Variants in CNTNAP2 observed in about 807,000 individuals in gnomAD.
CNTNAP2 encodes the protein contactin-associated protein-like 2.
A neutral mutation model predicts 155.2 loss-of-function variants in CNTNAP2; 98 were observed. That is an observed-to-expected ratio of 0.63 (90% CI 0.54 to 0.75). The LOEUF is 0.75. Among genes scored for constraint, CNTNAP2 ranks in the 30% least tolerant of loss-of-function variants. CNTNAP2 has a pLI of 0.00. For synonymous variants in CNTNAP2, 651 were observed against 631.2 expected (o/e 1.03, Z -0.47); for missense variants, 1,727 against 1,688.1 (o/e 1.02, Z -0.40).
intron 3 of CNTNAP2, among the ~76,000 whole-genome samples, chr7:146,975,757 A>T (rs549851408): frequency 5.3e-5 from 8 of 152,324 alleles, no homozygotes; most frequent in African/African-American, 1.9e-4. Flanking sequence ...AGCACACATT[A>T]GGGGACATAC....
chr7:146,867,401 T>G (rs1301715682), intron 3 of CNTNAP2, among the ~76,000 whole-genome samples: 1 of 152,192 alleles, frequency 6.6e-6, no homozygotes, highest in Non-Finnish European at 1.5e-5. Context: ...TTTAGCACAT[T>G]TTCTTTATCC....
At chr7:146,519,931 G>T (rs2129137138) in intron 1 of CNTNAP2, among the ~76,000 whole-genome samples, 1 of 151,356 alleles carries the variant, frequency 6.6e-6, no homozygotes, top group South Asian at 2.1e-4. Flanking sequence ...GGAATTTTAT[G>T]GGGGAAAAAA....
At chr7:147,168,168 T>C (rs1802156885) in intron 8 of CNTNAP2, among the ~76,000 whole-genome samples, 1 of 149,800 alleles carries the variant, frequency 6.7e-6, no homozygotes, top group African/African-American at 2.4e-5. Flanking sequence ...TTTATACATA[T>C]AATAGATATA....
intron 2 of CNTNAP2, among the ~76,000 whole-genome samples, chr7:146,794,075 A>G (rs1451651322): frequency 6.6e-6 from 1 of 152,196 alleles, no homozygotes; most frequent in Non-Finnish European, 1.5e-5. Flanking sequence ...AGCTGAAAGC[A>G]AATCCCTTTT....
chr7:146,244,424 C>A (rs868755096), intron 1 of CNTNAP2, among the ~76,000 whole-genome samples: 36 of 152,188 alleles, frequency 2.4e-4, no homozygotes, highest in Middle Eastern at 6.8e-3. Flanking sequence ...GATCTGGTGT[C>A]TGGAATGAGA....
intron 15 of CNTNAP2, chr7:148,056,677 A>G (rs1287554370): frequency 6.6e-6 from 1 of 152,158 alleles, no homozygotes; most frequent in African/African-American, 2.4e-5. Context: ...TGATGGGGTA[A>G]GTTTTTTTGC....
rs77603100 is a variant in CNTNAP2, at chr7:147,244,172, C to A, written c.1349-55969C>A. On this transcript the variant is annotated intron_variant, in intron 8 of 23. Coordinates refer to ENST00000361727, the MANE Select transcript of CNTNAP2 (RefSeq NM_014141.6). ...TTTGTACATTTCATCCTGGGTCTGGCAAGACCTATTTCAAATATACAAAGT... is the reference window on the plus strand; with the variant it reads ...TTTGTACATTTCATCCTGGGTCTGGAAAGACCTATTTCAAATATACAAAGT... Among the ~76,000 whole-genome samples the A allele has an allele frequency of 2.4e-3, 358 of 152,240 alleles. 2 individuals are homozygous for A. The highest frequency in any genetic ancestry group is 8.3e-3 in the African/African-American group (346 of 41,532).
At chr7:147,804,622 C>T (rs999493988) in intron 13 of CNTNAP2, among the ~76,000 whole-genome samples, 9 of 151,922 alleles carry the variant, frequency 5.9e-5, no homozygotes, top group South Asian at 2.1e-4. Flanking sequence ...GGTGCGATCT[C>T]GGCTCACTGC....
intron 1 of CNTNAP2, among the ~76,000 whole-genome samples, chr7:146,253,330 C>G (rs549807007): frequency 6.6e-6 from 1 of 152,214 alleles, no homozygotes; most frequent in South Asian, 2.1e-4. Context: ...CTCTTCTAGA[C>G]GCAGTCCTCT....
chr7:146,583,330 A>G (rs1798640516), intron 1 of CNTNAP2, among the ~76,000 whole-genome samples: 2 of 152,276 alleles, frequency 1.3e-5, no homozygotes, highest in East Asian at 1.9e-4. Flanking sequence ...GGATGGAGGC[A>G]GCTGTTGGAA....
At chr7:146,246,436 G>GA (rs1554406936) in intron 1 of CNTNAP2, among the ~76,000 whole-genome samples, 7 of 149,676 alleles carry the variant, frequency 4.7e-5, no homozygotes, top group Non-Finnish European at 8.8e-5. Flanking sequence ...TGAGAGTGGG[G>GA]GTTTTAAGAG....
chr7:146,931,404 A>G (rs1796755094), intron 3 of CNTNAP2, among the ~76,000 whole-genome samples: 1 of 149,086 alleles, frequency 6.7e-6, no homozygotes, highest in Non-Finnish European at 1.5e-5. Context: ...CAAAGACACA[A>G]CATACCAGAA....
At chr7:147,731,872 G>A (rs758639821) in intron 13 of CNTNAP2, among the ~76,000 whole-genome samples, 8 of 152,064 alleles carry the variant, frequency 5.3e-5, no homozygotes, top group Non-Finnish European at 7.4e-5. Flanking sequence ...ATGACTTCGA[G>A]GGGTTCAAGA....
chr7:146,583,277 G>T (rs2129148144), intron 1 of CNTNAP2, among the ~76,000 whole-genome samples: 1 of 152,052 alleles, frequency 6.6e-6, no homozygotes, highest in Admixed American at 6.6e-5. Flanking sequence ...TGGAAGTGAA[G>T]GAAAGAGAAC....
intron 11 of CNTNAP2, among the ~76,000 whole-genome samples, chr7:147,494,364 C>T (rs951050496): frequency 6.1e-5 from 9 of 147,436 alleles, no homozygotes; most frequent in Non-Finnish European, 8.9e-5. Flanking sequence ...CTTCTTGCTT[C>T]GGAATGATGA....
intron 1 of CNTNAP2, among the ~76,000 whole-genome samples, chr7:146,652,584 GTTA>G (rs1174882359): frequency 6.6e-6 from 1 of 152,082 alleles, no homozygotes; most frequent in East Asian, 1.9e-4. Flanking sequence ...TCCAATTTGG[GTTA>G]TTATTAATGA....
At chr7:147,765,213 C>T (rs1233903007) in intron 13 of CNTNAP2, among the ~76,000 whole-genome samples, 1 of 152,146 alleles carries the variant, frequency 6.6e-6, no homozygotes, top group African/African-American at 2.4e-5. Flanking sequence ...TCATACTCAG[C>T]AGTTCAAAAG....
At chr7:148,406,417 C>A (rs757803561) in intron 22 of CNTNAP2, among the ~76,000 whole-genome samples, 16 of 152,136 alleles carry the variant, frequency 1.1e-4, no homozygotes, top group Non-Finnish European at 1.6e-4. Context: ...CTCAATATGT[C>A]CAATACAAAA....
chr7:146,463,610 G>A (rs1796671246), intron 1 of CNTNAP2, among the ~76,000 whole-genome samples: 1 of 151,370 alleles, frequency 6.6e-6, no homozygotes, highest in South Asian at 2.1e-4. Context: ...ATATACACAT[G>A]TATATACATA....
Sources: gnomAD v4.1 joint callset for allele counts (sites outside exome capture counted in the v4.1 genomes callset) on GRCh38, gnomAD v4.1.1 for gene constraint, MANE v1.5 for transcripts, NCBI Gene and HGNC (gene_info 2026-07-23, HGNC 2026-07-21) for gene names.